The following RBFOX1 variants were observed in gnomAD, a reference collection of about 807,000 sequenced individuals.
RBFOX1 encodes RNA binding protein fox-1 homolog 1.
A neutral mutation model predicts 57.7 loss-of-function variants in RBFOX1; 8 were observed. The ratio of observed to expected loss-of-function variants is 0.14; its 90% CI spans 0.08 to 0.25. The LOEUF is 0.25. Ranked by LOEUF, RBFOX1 falls within the 10% of genes least tolerant of loss-of-function variation. The probability of loss-of-function intolerance (pLI) is 1.00; values close to 1 mark genes in which losing one functional copy is unlikely to be tolerated. For missense variants in RBFOX1, 611 were observed against 548.5 expected (o/e 1.11, Z -1.14); for synonymous variants, 326 against 222.4 (o/e 1.47, Z -4.15).
intron 2 of RBFOX1, among the ~76,000 whole-genome samples, chr16:6,590,538 C>CA (rs894950980): frequency 3.3e-5 from 5 of 152,126 alleles, no homozygotes; most frequent in Non-Finnish European, 4.4e-5. Context: ...TGAGAGCCCC[C>CA]TGCGACTAGT....
intron 4 of RBFOX1, among the ~76,000 whole-genome samples, chr16:7,507,371 C>T (rs2073660964): frequency 6.6e-6 from 1 of 151,822 alleles, no homozygotes; most frequent in African/African-American, 2.4e-5. Context: ...ATGATGATCC[C>T]CTACATGGGT....
At chr16:5,708,525 T>C (rs1339638109) in intron 3 of RBFOX1, among the ~76,000 whole-genome samples, 1 of 152,188 alleles carries the variant, frequency 6.6e-6, no homozygotes, top group Non-Finnish European at 1.5e-5. Flanking sequence ...CTCTTTGATT[T>C]TTTGCGTATG....
Position 5,594,259 on chromosome 16 carries a change from C to T in RBFOX1, c.259-4643C>T, listed in dbSNP as rs575322084. 3.3e-5 allele frequency among the ~76,000 whole-genome samples: 5 copies of T among 152,222 alleles called. No homozygotes were observed. In the South Asian group the frequency reaches 1.0e-3, roughly 32 times the overall value. On this transcript the variant is annotated intron_variant, in intron 2 of 2. Coordinates refer to the RBFOX1 transcript ENST00000585867. The stretch of plus-strand genomic sequence containing the variant: ...TCTTTATTCTATGTGACTATAGATA[C>T]AAAGATTGATACATCTGGATGTGGC...
intron 3 of RBFOX1, among the ~76,000 whole-genome samples, chr16:6,964,521 G>T (rs1402678605): frequency 1.3e-5 from 2 of 152,172 alleles, no homozygotes; most frequent in South Asian, 2.1e-4. Flanking sequence ...AGGGGGTTTT[G>T]TTAAGGGTGA....
At chr16:5,951,111 C>A (rs142347139) in intron 4 of RBFOX1, among the ~76,000 whole-genome samples, 1 of 152,044 alleles carries the variant, frequency 6.6e-6, no homozygotes, top group South Asian at 2.1e-4. Flanking sequence ...CCTATACAAT[C>A]TGAATGAATA....
At chr16:5,453,101 G>A (rs1168571029) in intron 1 of RBFOX1, among the ~76,000 whole-genome samples, 3 of 151,956 alleles carry the variant, frequency 2.0e-5, no homozygotes, top group East Asian at 1.9e-4. Context: ...CTTTTCAGTC[G>A]ATTGATCAGT....
rs532771022 is a variant in RBFOX1, at chr16:5,561,772, G to A, written c.259-37130G>A. On this transcript the variant is annotated intron_variant, in intron 2 of 2. Transcript: ENST00000585867. The stretch of plus-strand genomic sequence containing the variant: ...TTCTTTTGGGGTGAGAGGGTCACTT[G>A]TTCTACCCTGAGATGTATTTTAGCA... Among the ~76,000 whole-genome samples the A allele has an allele frequency of 4.6e-5, 7 of 152,208 alleles. No individual in the cohort carries two copies. In the East Asian group the frequency reaches 1.4e-3, roughly 29 times the overall value.
intron 4 of RBFOX1, among the ~76,000 whole-genome samples, chr16:7,405,189 G>C (rs1401393248): frequency 1.3e-5 from 2 of 152,196 alleles, no homozygotes; most frequent in Non-Finnish European, 2.9e-5. Flanking sequence ...GAAAGCTCTT[G>C]ACGATACAGC....
intron 3 of RBFOX1, among the ~76,000 whole-genome samples, chr16:6,746,762 T>C (rs1453135998): frequency 6.6e-6 from 1 of 152,144 alleles, no homozygotes; most frequent in Non-Finnish European, 1.5e-5. Context: ...AAGTGAAATA[T>C]TGATACATAT....
chr16:5,684,488 G>A (rs535412209), intron 3 of RBFOX1, among the ~76,000 whole-genome samples: 7 of 151,860 alleles, frequency 4.6e-5, no homozygotes, highest in African/African-American at 1.5e-4. Context: ...ACTGTTCCTT[G>A]TGTAGGTTTG....
intron 3 of RBFOX1, among the ~76,000 whole-genome samples, chr16:6,677,511 T>G (rs1465435100): frequency 4.6e-5 from 7 of 152,186 alleles, no homozygotes; most frequent in African/African-American, 7.2e-5. Flanking sequence ...AAATTAAGAA[T>G]TCCATATCAA....
intron 3 of RBFOX1, among the ~76,000 whole-genome samples, chr16:5,738,564 G>A (rs189139888): frequency 6.8e-6 from 1 of 147,224 alleles, no homozygotes; most frequent in Admixed American, 7.1e-5. Flanking sequence ...AATCTGGGAG[G>A]TGAAGGTTGC....
intron 1 of RBFOX1, among the ~76,000 whole-genome samples, chr16:5,244,207 T>C (rs1314646738): frequency 6.6e-6 from 1 of 152,182 alleles, no homozygotes; most frequent in Admixed American, 6.5e-5. Flanking sequence ...GGGCATAGCA[T>C]TGTAACACAG....
In RBFOX1 at chr16:5,502,470, G is replaced by A. The variant is rs115006132; in HGVS notation, c.258+35216G>A. Among the ~76,000 whole-genome samples, 615 of 152,262 alleles carry A rather than the reference G, an allele frequency of 4.0e-3. 8 individuals are homozygous for A. Among genetic ancestry groups the A allele is most frequent in the African/African-American group, 0.013 (554 of 41,548 alleles). On this transcript the variant is annotated intron_variant, in intron 2 of 2. Coordinates refer to the RBFOX1 transcript ENST00000585867. ...GTTGGACCTCAGGCTCCGGCCCCTA[G>A]TGTCCCTGTTCTGGAAGCCCCCTGC...
chr16:5,578,250 T>C (rs1262046917), intron 2 of RBFOX1, among the ~76,000 whole-genome samples: 1 of 152,136 alleles, frequency 6.6e-6, no homozygotes, highest in Non-Finnish European at 1.5e-5. Context: ...GTGCCTGCCC[T>C]GGGGATTTGT....
chr16:6,478,105 C>T (rs1317835630), intron 2 of RBFOX1, among the ~76,000 whole-genome samples: 1 of 151,984 alleles, frequency 6.6e-6, no homozygotes, highest in African/African-American at 2.4e-5. Flanking sequence ...CAACAAGGCT[C>T]TTTTACTTAT....
Position 5,396,562 on chromosome 16 carries a change from A to C in RBFOX1, c.220-70654A>C, listed in dbSNP as rs540723316. 6.6e-4 allele frequency among the ~76,000 whole-genome samples: 100 copies of C among 152,308 alleles called. 1 individual carries two copies. The highest frequency in any genetic ancestry group is 1.2e-3 in the Non-Finnish European group (83 of 68,030). Reference sequence around the variant, plus strand: ...GAGGCTGAGGCACAAGAATCACTTGAACTCAGGCGGCAGAGGTTGCAGTGA... The same window carrying C: ...GAGGCTGAGGCACAAGAATCACTTGCACTCAGGCGGCAGAGGTTGCAGTGA... On this transcript the variant is annotated intron_variant, in intron 1 of 2. Coordinates refer to the RBFOX1 transcript ENST00000585867.
At chr16:7,580,184 T>C (rs373555740) in intron 6 of RBFOX1, among the ~76,000 whole-genome samples, 7 of 152,132 alleles carry the variant, frequency 4.6e-5, no homozygotes, top group African/African-American at 1.4e-4. Flanking sequence ...GAACACAAAT[T>C]CCTAGATGAC....
chr16:5,613,626 A>G (rs1422691839), intron 3 of RBFOX1, among the ~76,000 whole-genome samples: 1 of 152,118 alleles, frequency 6.6e-6, no homozygotes, highest in East Asian at 1.9e-4. Flanking sequence ...TCAGACCATC[A>G]TTTCATGGGG....
Sources: gnomAD v4.1 joint callset for allele counts (sites outside exome capture counted in the v4.1 genomes callset) on GRCh38, gnomAD v4.1.1 for gene constraint, MANE v1.5 for transcripts, NCBI Gene and HGNC (gene_info 2026-07-23, HGNC 2026-07-21) for gene names.